The following EPHB1 variants were observed in gnomAD, a reference collection of about 807,000 sequenced individuals.
EPHB1 encodes ephrin type-B receptor 1.
A neutral mutation model predicts 94.4 loss-of-function variants in EPHB1; 30 were observed. That is an observed-to-expected ratio of 0.32 (90% confidence interval 0.24 to 0.43). EPHB1 has a LOEUF of 0.43. Among genes scored for constraint, EPHB1 ranks in the 20% least tolerant of loss-of-function variants. The pLI is 1.00. For synonymous variants in EPHB1, 522 were observed against 489.1 expected (o/e 1.07, Z -0.89); for missense variants, 1,055 against 1,308.3 (o/e 0.81, Z 2.99).
At chr3:135,182,473 A>G (rs1231514941) in intron 10 of EPHB1, among the ~76,000 whole-genome samples, 1 of 152,104 alleles carries the variant, frequency 6.6e-6, no homozygotes, top group Non-Finnish European at 1.5e-5. Flanking sequence ...GTGGAGTTCC[A>G]GAGGCGAATA....
At chr3:135,147,196 C>T (rs1941037076) in intron 5 of EPHB1, among the ~76,000 whole-genome samples, 1 of 152,148 alleles carries the variant, frequency 6.6e-6, no homozygotes, top group South Asian at 2.1e-4. Context: ...CTTACTATTC[C>T]TTACCTTACC....
chr3:135,209,331 A>G (rs780126864), intron 12 of EPHB1, among the ~76,000 whole-genome samples: 1 of 152,250 alleles, frequency 6.6e-6, no homozygotes, highest in Non-Finnish European at 1.5e-5. Context: ...ATATTTATTT[A>G]TTACAAAGAG....
chr3:135,187,777 C>T (rs956864512), intron 10 of EPHB1, among the ~76,000 whole-genome samples: 1 of 152,174 alleles, frequency 6.6e-6, no homozygotes, highest in Admixed American at 6.5e-5. Flanking sequence ...GCAAAAAGCT[C>T]TGATGTGTCT....
At chr3:134,807,566 G>A (rs185380031) in intron 1 of EPHB1, among the ~76,000 whole-genome samples, 15,907 of 145,014 alleles carry the variant, frequency 0.11, 969 homozygotes, top group Middle Eastern at 0.19. Flanking sequence ...GAGAGAGAGA[G>A]AAAAAAAAAA....
intron 3 of EPHB1, among the ~76,000 whole-genome samples, chr3:135,083,460 GC>G (rs1300013782): frequency 6.6e-6 from 1 of 151,994 alleles, no homozygotes; most frequent in Non-Finnish European, 1.5e-5. Flanking sequence ...GAAGCAACAG[GC>G]TTTGAGACAT....
intron 1 of EPHB1, among the ~76,000 whole-genome samples, chr3:134,915,803 G>A (rs374135767): frequency 3.2e-4 from 49 of 152,310 alleles, no homozygotes; most frequent in African/African-American, 1.2e-3. Context: ...GACCTTCGCG[G>A]TGAGTGTTAC....
rs571477471 is a variant in EPHB1, at chr3:135,069,578, T to C, written c.806-36870T>C. On this transcript the variant is annotated intron_variant, in intron 3 of 15. Coordinates refer to ENST00000398015, the MANE Select transcript of EPHB1 (RefSeq NM_004441.5). ...CTGGGTGAGGCCTTACCAGGTGGGA[T>C]TGAAACTGATCCCAGGTTCTGGGGG... is the stretch of plus-strand genomic sequence containing the variant. 6.6e-5 allele frequency among the ~76,000 whole-genome samples: 10 copies of C among 152,328 alleles called. No individual in the cohort carries two copies. The South Asian group carries it at 1.0e-3, about 16-fold the overall frequency.
chr3:134,951,490 G>C lies in EPHB1; in HGVS notation c.243G>C (p.Gly81=), dbSNP rs1227168679. ...WLLTTFINRR[G]AHRIYTEMRF... ...TCACCACCTTCATCAACCGGCGGGGGGCCCATCGCATCTACACAGAGATGC... is the reference window on the plus strand; with the variant it reads ...TCACCACCTTCATCAACCGGCGGGGCGCCCATCGCATCTACACAGAGATGC... Residue 81 remains glycine, a synonymous_variant, in exon 3 of 16, where the codon GGG becomes GGC. Coordinates refer to ENST00000398015, the MANE Select transcript of EPHB1 (RefSeq NM_004441.5). This position sits in a 1 kb window ranked among gnomAD's most constrained non-coding sequence, Gnocchi z 4.5. The C allele has an allele frequency of 6.2e-7, 1 of 1,612,850 alleles. No individual in the cohort carries two copies. The highest frequency in any genetic ancestry group is 8.5e-7 in the Non-Finnish European group (1 of 1,179,422).
intron 3 of EPHB1, among the ~76,000 whole-genome samples, chr3:135,054,753 T>G (rs989518432): frequency 7.2e-5 from 11 of 152,232 alleles, no homozygotes; most frequent in Admixed American, 7.2e-4. Flanking sequence ...ATATTACGTA[T>G]TCATTCCTTA....
At chr3:134,918,039 G>C (rs2038607840) in intron 1 of EPHB1, among the ~76,000 whole-genome samples, 1 of 152,208 alleles carries the variant, frequency 6.6e-6, no homozygotes. Context: ...GATCTTCAGG[G>C]TTTATTGAAC....
intron 1 of EPHB1, among the ~76,000 whole-genome samples, chr3:134,820,653 T>C (rs1025553849): frequency 2.0e-5 from 3 of 152,154 alleles, no homozygotes; most frequent in African/African-American, 7.2e-5. Flanking sequence ...TTTATTTTAT[T>C]TTATTTTGTA....
At chr3:135,228,022 TAC>T (rs1227453764) in intron 12 of EPHB1, among the ~76,000 whole-genome samples, 1 of 152,214 alleles carries the variant, frequency 6.6e-6, no homozygotes, top group Non-Finnish European at 1.5e-5. Context: ...ATAACTATAG[TAC>T]AGTTATCAAC....
In EPHB1 at chr3:135,052,884, A is replaced by T. The variant is rs1403971594; in HGVS notation, c.806-53564A>T. ...TCAAAAAAAAAAAAAAAAAAAAAAA[A>T]AAAAAAATATATATATATATATATA... is the stretch of plus-strand genomic sequence containing the variant. On this transcript the variant is annotated intron_variant, in intron 3 of 15. Transcript: ENST00000398015. 1.3e-3 allele frequency among the ~76,000 whole-genome samples: 142 copies of T among 108,216 alleles called. 7 individuals carry two copies. Among genetic ancestry groups the T allele is most frequent in the African/African-American group, 6.9e-3 (135 of 19,530 alleles). The allele number at this position is 108,216 out of a possible 152,430, so 71.0% of individuals were successfully genotyped here.
At chr3:135,002,362 T>C (rs1050951100) in intron 3 of EPHB1, among the ~76,000 whole-genome samples, 40 of 152,252 alleles carry the variant, frequency 2.6e-4, no homozygotes, top group African/African-American at 9.6e-4. Context: ...AGTATTTTAT[T>C]GAGGATTTTT....
chr3:135,256,044 T>C (rs1165941425), intron 15 of EPHB1, among the ~76,000 whole-genome samples: 2 of 151,962 alleles, frequency 1.3e-5, no homozygotes, highest in South Asian at 2.1e-4. Flanking sequence ...TTGCAACCCC[T>C]GCCTTCTTTT....
chr3:135,096,845 G>C (rs751048203), intron 3 of EPHB1, among the ~76,000 whole-genome samples: 11 of 152,222 alleles, frequency 7.2e-5, no homozygotes, highest in South Asian at 6.2e-4. Flanking sequence ...TGCCTGTAGT[G>C]CCAGCACTTT....
intron 9 of EPHB1, among the ~76,000 whole-genome samples, chr3:135,172,879 C>T (rs1029674154): frequency 1.3e-5 from 2 of 152,224 alleles, no homozygotes; most frequent in Non-Finnish European, 2.9e-5. Flanking sequence ...ACCGTGTTAA[C>T]TCTTTTGGTC....
At chr3:135,159,021 A>G (rs1941437169) in intron 6 of EPHB1, among the ~76,000 whole-genome samples, 1 of 152,142 alleles carries the variant, frequency 6.6e-6, no homozygotes, top group Non-Finnish European at 1.5e-5. Flanking sequence ...CTGTTTATTT[A>G]TTCATTTGGC....
chr3:135,254,592 G>C (rs894043758), intron 15 of EPHB1, among the ~76,000 whole-genome samples: 8 of 152,156 alleles, frequency 5.3e-5, no homozygotes, highest in Admixed American at 3.3e-4. Context: ...TAAGCTTTTT[G>C]ATGTGCTGCT....
Sources: allele counts gnomAD v4.1 joint callset (sites outside exome capture counted in the v4.1 genomes callset), GRCh38; gene constraint gnomAD v4.1.1; non-coding constraint Gnocchi (gnomAD v3.1); transcripts MANE v1.5; gene names NCBI Gene and HGNC (gene_info 2026-07-23, HGNC 2026-07-21).